The following MGAT4A variants were observed in gnomAD, a reference collection of about 807,000 sequenced individuals.
MGAT4A encodes the protein N-acetylglucosaminyltransferase IVa.
Under a neutral mutation model 74.1 loss-of-function variants are expected in MGAT4A, and 33 were observed. The ratio of observed to expected loss-of-function variants is 0.45; its 90% CI spans 0.34 to 0.60. MGAT4A has a LOEUF of 0.60. MGAT4A is among the 20% of genes least tolerant of loss of function. The pLI, the probability that MGAT4A is intolerant of heterozygous loss-of-function variation, is 0.02. For missense variants in MGAT4A, 479 were observed against 628.3 expected (o/e 0.76, Z 2.54); for synonymous variants, 198 against 210.4 (o/e 0.94, Z 0.51).
intron 14 of MGAT4A, among the ~76,000 whole-genome samples, chr2:98,634,402 G>T (rs985241330): frequency 6.6e-6 from 1 of 152,054 alleles, no homozygotes; most frequent in African/African-American, 2.4e-5. Flanking sequence ...AGAGTGTGGG[G>T]CCTTCATCAG....
intron 14 of MGAT4A, among the ~76,000 whole-genome samples, chr2:98,633,394 C>T (rs933699227): frequency 2.0e-5 from 3 of 152,214 alleles, no homozygotes; most frequent in East Asian, 1.9e-4. Flanking sequence ...GCTCCCTCCC[C>T]GAGATCTGGG....
intron 2 of MGAT4A, among the ~76,000 whole-genome samples, chr2:98,691,057 G>C (rs1275232404): frequency 6.6e-6 from 1 of 152,082 alleles, no homozygotes; most frequent in Admixed American, 6.6e-5. Context: ...CAGAAAGAGG[G>C]CTATCATCAG....
At chr2:98,714,673 G>A (rs1472569196) in intron 2 of MGAT4A, among the ~76,000 whole-genome samples, 1 of 152,070 alleles carries the variant, frequency 6.6e-6, no homozygotes, top group African/African-American at 2.4e-5. Flanking sequence ...TCCAGGACAG[G>A]GGTAGAGAAA....
chr2:98,707,700 A>G (rs1702459190), intron 2 of MGAT4A, among the ~76,000 whole-genome samples: 2 of 152,204 alleles, frequency 1.3e-5, no homozygotes, highest in Non-Finnish European at 2.9e-5. Flanking sequence ...GCGTCTCCCC[A>G]GTGATAGCAC....
intron 2 of MGAT4A, among the ~76,000 whole-genome samples, chr2:98,721,440 T>C (rs1702669350): frequency 6.6e-6 from 1 of 152,206 alleles, no homozygotes; most frequent in African/African-American, 2.4e-5. Flanking sequence ...ATAAAATATT[T>C]ATGTAATTCA....
intron 2 of MGAT4A, among the ~76,000 whole-genome samples, chr2:98,711,114 A>C (rs942932324): frequency 3.9e-5 from 6 of 152,314 alleles, no homozygotes; most frequent in East Asian, 1.9e-4. Context: ...GAAATGCTTA[A>C]GTTTGCAATC....
At position 98,625,585 on chromosome 2, in the gene MGAT4A, A is replaced by T; in HGVS notation, c.1589T>A (p.Ile530Asn). 1 of 1,608,736 alleles carries T rather than the reference A, an allele frequency of 6.2e-7. No homozygotes were observed. Among genetic ancestry groups the T allele is most frequent in the Non-Finnish European group, 8.5e-7 (1 of 1,177,732 alleles). ...AVWAILNEIH[I>N]KKATN ...AGATGATCAGTTGGTGGCTTTTTTA[A>T]TATGAATCTGAAATACAAAATCATA... The change falls in exon 16 of 16, where the codon ATT (isoleucine) becomes AAT (asparagine). Residue 530 changes from isoleucine (I) to asparagine (N), a missense_variant. Around this residue, in one of 3 missense-constraint regions of MGAT4A, gnomAD observed 236 missense variants for 308.2 expected, o/e 0.77. Transcript: ENST00000393487.
At chr2:98,670,957 C>A (rs1454950408) in intron 4 of MGAT4A, among the ~76,000 whole-genome samples, 1 of 152,136 alleles carries the variant, frequency 6.6e-6, no homozygotes, top group Non-Finnish European at 1.5e-5. Flanking sequence ...CTCAAAATCA[C>A]CTCCAAATTA....
chr2:98,660,656 A>G (rs1418516205), intron 5 of MGAT4A, among the ~76,000 whole-genome samples: 1 of 152,186 alleles, frequency 6.6e-6, no homozygotes, highest in Non-Finnish European at 1.5e-5. Context: ...ATTTTCAGCA[A>G]AGGTGCCAAG....
At chr2:98,666,197 G>A (rs144622858) in intron 4 of MGAT4A, among the ~76,000 whole-genome samples, 2,497 of 152,172 alleles carry the variant, frequency 0.016, 63 homozygotes, top group African/African-American at 0.058. Context: ...GGAGACCCTT[G>A]CAAATAGGGC....
chr2:98,621,558 T>C lies in MGAT4A; in HGVS notation c.*4008A>G. The C allele has an allele frequency of 6.5e-7, 1 of 1,550,326 alleles. No individual in the cohort carries two copies. Among genetic ancestry groups the C allele is most frequent in the Non-Finnish European group, 8.7e-7 (1 of 1,146,224 alleles). ...AGCCACCCCCAGACAGTCTTCCTTT[T>C]GCTACATAACATGATATAATCATGG... On this transcript the variant is annotated 3_prime_UTR_variant, in exon 16 of 16. Coordinates refer to ENST00000393487, the MANE Select transcript of MGAT4A (RefSeq NM_012214.3).
intron 14 of MGAT4A, among the ~76,000 whole-genome samples, chr2:98,631,927 T>C (rs1366960349): frequency 6.6e-6 from 1 of 151,342 alleles, no homozygotes; most frequent in Non-Finnish European, 1.5e-5. Flanking sequence ...CTGGCCAACA[T>C]GGCGAAACCC....
intron 2 of MGAT4A, among the ~76,000 whole-genome samples, chr2:98,695,878 CTTTTT>C (rs554678618): frequency 2.3e-5 from 3 of 130,422 alleles, no homozygotes; most frequent in Admixed American, 7.8e-5. Context: ...CACAGAACTT[CTTTTT>C]TTTTTTTTTT....
rs755920493 is a variant in MGAT4A, at chr2:98,678,300, G to T, written c.262+4C>A. Reference sequence around the variant, plus strand: ...TTTTATAATATAAAAAATACTGTTTGTACCTGAAAACTTATTCAACGCATC... The same window carrying T: ...TTTTATAATATAAAAAATACTGTTTTTACCTGAAAACTTATTCAACGCATC... On this transcript the variant is annotated splice_donor_region_variant and intron_variant, in intron 3 of 15. Transcript: ENST00000393487. The T allele has an allele frequency of 3.2e-6, 4 of 1,268,454 alleles. No individual in the cohort carries two copies. Among genetic ancestry groups the T allele is most frequent in the South Asian group, 2.4e-5 (1 of 42,454 alleles). 78.6% of individuals were successfully genotyped at this position (1,268,454 alleles called of 1,614,324 possible).
chr2:98,632,487 G>A (rs903102280), intron 14 of MGAT4A, among the ~76,000 whole-genome samples: 1 of 152,222 alleles, frequency 6.6e-6, no homozygotes, highest in Admixed American at 6.5e-5. Flanking sequence ...ATCCAAATTT[G>A]CTTGTCTGTA....
chr2:98,637,568 G>A (rs13021375), intron 12 of MGAT4A, among the ~76,000 whole-genome samples: 45,146 of 151,992 alleles, frequency 0.3, 8,185 homozygotes, highest in Non-Finnish European at 0.4. Context: ...GTAAGTATGC[G>A]TATGCGTTCT....
Position 98,665,799 on chromosome 2 carries a change from G to C in MGAT4A, c.404-2620C>G, listed in dbSNP as rs375371246. On this transcript the variant is annotated intron_variant, in intron 4 of 15. Coordinates refer to ENST00000393487, the MANE Select transcript of MGAT4A (RefSeq NM_012214.3). Reference sequence around the variant, plus strand: ...GGAAGGCCTCTCTGATATCAGCTGAGCTGGTAACCATGAGAAAGAGCTGAT... The same window carrying C: ...GGAAGGCCTCTCTGATATCAGCTGACCTGGTAACCATGAGAAAGAGCTGAT... Among the ~76,000 whole-genome samples, 4 of 152,360 alleles carry C rather than the reference G, an allele frequency of 2.6e-5. No individual in the cohort carries two copies. In the East Asian group the frequency reaches 5.8e-4, roughly 22 times the overall value.
chr2:98,697,266 T>A (rs189121576), intron 2 of MGAT4A, among the ~76,000 whole-genome samples: 1,968 of 152,270 alleles, frequency 0.013, 174 homozygotes, highest in Admixed American at 0.12. Flanking sequence ...ATAGGCCTCA[T>A]GGGCGTCACG....
rs561729238 is a variant in MGAT4A, at chr2:98,685,413, T to A, written c.95-6942A>T. The stretch of plus-strand genomic sequence containing the variant: ...AAGCCACTGCCTTTGAAAAATGTTT[T>A]ATTTCACTTTTTAAAGATTTCACAT... On this transcript the variant is annotated intron_variant, in intron 2 of 15. Coordinates refer to ENST00000393487, the MANE Select transcript of MGAT4A (RefSeq NM_012214.3). Among the ~76,000 whole-genome samples, 5 of 152,302 alleles carry A rather than the reference T, an allele frequency of 3.3e-5. 1 individual carries two copies. In the South Asian group the frequency reaches 1.0e-3, roughly 32 times the overall value.
Sources: gnomAD v4.1 joint callset for allele counts (sites outside exome capture counted in the v4.1 genomes callset) on GRCh38, gnomAD v4.1.1 for gene constraint, gnomAD v4.1.1 regional missense constraint, MANE v1.5 for transcripts, NCBI Gene and HGNC (gene_info 2026-07-23, HGNC 2026-07-21) for gene names.